Variants in CALN1 observed in about 807,000 individuals in gnomAD.
The protein encoded by CALN1 is calneuron 1.
Under a neutral mutation model 30.6 loss-of-function variants are expected in CALN1, and 17 were observed. That is an observed-to-expected ratio of 0.56 (90% confidence interval 0.38 to 0.83). The LOEUF (loss-of-function observed/expected upper bound fraction) is 0.83. CALN1 is among the 40% of genes least tolerant of loss of function. The pLI is 0.00. For missense variants in CALN1, 291 were observed against 354.9 expected, an observed-to-expected ratio of 0.82 and a Z score of 1.45; for synonymous variants, 156 against 131.4, an observed-to-expected ratio of 1.19 and a Z score of -1.28.
At chr7:72,338,028 T>G (rs1802181691) in intron 2 of CALN1, among the ~76,000 whole-genome samples, 1 of 152,156 alleles carries the variant, frequency 6.6e-6, no homozygotes. Flanking sequence ...TCCCCACCTG[T>G]CTGCCTCCCA....
At chr7:72,254,575 C>G (rs1258074087) in intron 3 of CALN1, among the ~76,000 whole-genome samples, 1 of 152,096 alleles carries the variant, frequency 6.6e-6, no homozygotes, top group Non-Finnish European at 1.5e-5. Flanking sequence ...GCAAAAAACA[C>G]ATTATAATCA....
At position 72,181,096 on chromosome 7, in the gene CALN1, A is replaced by ACC. The variant is rs199527098; in HGVS notation, c.245-74804_245-74803dup. On this transcript the variant is annotated intron_variant, in intron 3 of 6. Transcript: ENST00000395275. ...CTGGGCAACAGAGCGAAACTGCATA[A>ACC]CCCCCCCCCCCCCCAAAAAAAAAAA... is the stretch of plus-strand genomic sequence containing the variant. 4.4e-3 allele frequency among the ~76,000 whole-genome samples: 329 copies of ACC among 74,246 alleles called. 12 individuals are homozygous for ACC. The highest frequency in any genetic ancestry group is 0.019 in the East Asian group (35 of 1,812). The allele number at this position is 74,246 out of a possible 152,430, so 48.7% of individuals were successfully genotyped here. A position where few individuals can be genotyped will look rare whatever the true frequency, so the allele number is the denominator to read the frequency against.
rs982801333 is a variant in CALN1, at chr7:71,885,175, G to T, written c.502-74683C>A. Among the ~76,000 whole-genome samples, 18 of 152,124 alleles carry T rather than the reference G, an allele frequency of 1.2e-4. 1 individual carries two copies. The East Asian group carries it at 3.3e-3, about 28-fold the overall frequency. The stretch of plus-strand genomic sequence containing the variant: ...ATTTCTTTTTTCTTTTTTTTGAGAC[G>T]GAGTCTTGCTCTGTCGCCCAGGCTG... On this transcript the variant is annotated intron_variant, in intron 5 of 6. Coordinates refer to ENST00000395275, the MANE Select transcript of CALN1 (RefSeq NM_031468.4).
At chr7:72,459,270 C>T in the CALN1 span, among the ~76,000 whole-genome samples, 1 of 152,140 alleles carries the variant, frequency 6.6e-6, no homozygotes, top group African/African-American at 2.4e-5. Flanking sequence ...ATTTTTCAAC[C>T]TCACACCTGT....
intron 4 of CALN1, among the ~76,000 whole-genome samples, chr7:72,077,567 C>A (rs1266263010): frequency 1.3e-5 from 2 of 152,198 alleles, no homozygotes; most frequent in Non-Finnish European, 2.9e-5. Context: ...AGCCACTGTG[C>A]CCAGCTCTTT....
At chr7:72,397,744 A>ACACC (rs1211319299) in intron 2 of CALN1, among the ~76,000 whole-genome samples, 1 of 150,700 alleles carries the variant, frequency 6.6e-6, no homozygotes, top group African/African-American at 2.5e-5. Context: ...ACACACACAC[A>ACACC]CACACACCTT....
At chr7:71,969,086 G>A (rs2129526215) in intron 5 of CALN1, among the ~76,000 whole-genome samples, 1 of 151,884 alleles carries the variant, frequency 6.6e-6, no homozygotes, top group Middle Eastern at 3.4e-3. Context: ...ACACCTAAAG[G>A]ATGAATTTTG....
upstream of CALN1, among the ~76,000 whole-genome samples, chr7:72,414,440 A>C (rs1807358745): frequency 6.6e-6 from 1 of 152,092 alleles, no homozygotes; most frequent in Non-Finnish European, 1.5e-5. Flanking sequence ...TTGATGCCAG[A>C]CCAGGGGTCC....
At chr7:72,114,715 T>C (rs1807841265) in intron 3 of CALN1, among the ~76,000 whole-genome samples, 1 of 152,154 alleles carries the variant, frequency 6.6e-6, no homozygotes, top group Non-Finnish European at 1.5e-5. Flanking sequence ...AGGCTGGGGC[T>C]AGGCATGGCG....
chr7:72,487,663 G>A, the CALN1 span, among the ~76,000 whole-genome samples: 2 of 141,444 alleles, frequency 1.4e-5, no homozygotes, highest in African/African-American at 5.5e-5. Context: ...TCCAGCCTGG[G>A]CAGCAGAGTG....
At chr7:71,926,467 C>T (rs1467031936) in intron 5 of CALN1, among the ~76,000 whole-genome samples, 1 of 152,184 alleles carries the variant, frequency 6.6e-6, no homozygotes, top group Non-Finnish European at 1.5e-5. Context: ...CCTATCCATG[C>T]TTGTTCTGCT....
At chr7:72,298,331 C>T (rs1375451274) in intron 2 of CALN1, among the ~76,000 whole-genome samples, 1 of 152,206 alleles carries the variant, frequency 6.6e-6, no homozygotes, top group Non-Finnish European at 1.5e-5. Context: ...CAGCCATCTT[C>T]CATCTCATCT....
intron 2 of CALN1, among the ~76,000 whole-genome samples, chr7:72,401,237 ACT>A (rs1806317604): frequency 6.6e-6 from 1 of 152,106 alleles, no homozygotes; most frequent in Non-Finnish European, 1.5e-5. Context: ...GAGGCAATGC[ACT>A]CTGAGAGATA....
intron 5 of CALN1, among the ~76,000 whole-genome samples, chr7:71,836,123 A>T (rs905121233): frequency 5.9e-5 from 9 of 152,060 alleles, no homozygotes; most frequent in Admixed American, 4.6e-4. Flanking sequence ...GACAGACCTG[A>T]CCCAATTTCC....
At chr7:72,360,140 A>G (rs1484439354) in intron 2 of CALN1, among the ~76,000 whole-genome samples, 1 of 152,168 alleles carries the variant, frequency 6.6e-6, no homozygotes, top group African/African-American at 2.4e-5. Flanking sequence ...TATAAAGGAC[A>G]TTATTGCAAC....
At chr7:71,858,681 T>C (rs1489735319) in intron 5 of CALN1, among the ~76,000 whole-genome samples, 4 of 152,122 alleles carry the variant, frequency 2.6e-5, no homozygotes, top group Admixed American at 6.6e-5. Context: ...CACATGTAAA[T>C]TGTGTGTTCA....
intron 3 of CALN1, among the ~76,000 whole-genome samples, chr7:72,232,347 C>T (rs1343465361): frequency 6.6e-6 from 1 of 152,212 alleles, no homozygotes; most frequent in African/African-American, 2.4e-5. Context: ...CGTGATAATA[C>T]TATTTACAAT....
At chr7:72,271,564 T>TAAAAAAAAA (rs1305576740) in intron 3 of CALN1, among the ~76,000 whole-genome samples, 12 of 64,580 alleles carry the variant, frequency 1.9e-4, no homozygotes, top group African/African-American at 6.6e-4. Flanking sequence ...GCCTGCCTTT[T>TAAAAAAAAA]AAAAAAAAAA....
At chr7:72,401,120 T>C (rs1806307299) in intron 2 of CALN1, among the ~76,000 whole-genome samples, 1 of 152,140 alleles carries the variant, frequency 6.6e-6, no homozygotes, top group Admixed American at 6.5e-5. Flanking sequence ...AAAGATGACC[T>C]ATAGATGGGG....
Sources: allele counts gnomAD v4.1 joint callset (sites outside exome capture counted in the v4.1 genomes callset), GRCh38; gene constraint gnomAD v4.1.1; transcripts MANE v1.5; gene names NCBI Gene and HGNC (gene_info 2026-07-23, HGNC 2026-07-21).